Variants in METTL21C observed in about 807,000 individuals in gnomAD.
The protein encoded by METTL21C is methyltransferase 21C, AARS1 lysine, also known as protein-lysine methyltransferase METTL21C.
Under a neutral mutation model 25.9 loss-of-function variants are expected in METTL21C, and 21 were observed. The observed-to-expected ratio is 0.81, with a 90% CI of 0.58 to 1.17. METTL21C has a LOEUF of 1.17. METTL21C is among the 50% of genes most tolerant of loss of function. The pLI is 0.00. For synonymous variants in METTL21C, 125 were observed against 124.7 expected (o/e 1.00, Z -0.01); for missense variants, 312 against 315.1 (o/e 0.99, Z 0.07).
chr13:102,686,286 A>G lies in METTL21C; in HGVS notation c.540T>C (p.Phe180=), dbSNP rs771821471. Residue 180 remains phenylalanine, a synonymous_variant, in exon 4 of 4, where the codon TTT becomes TTC. Transcript: ENST00000267273. The part of the protein sequence containing the change: ...LVWGEDLDKN[F]PKSAFYYDYV... Reference sequence around the variant, plus strand: ...AATCATAGTAAAAAGCTGACTTGGGAAAGTTTTTGTCCAGGTCTTCCCCCC... The same window carrying G: ...AATCATAGTAAAAAGCTGACTTGGGGAAGTTTTTGTCCAGGTCTTCCCCCC... The G allele has an allele frequency of 6.8e-6, 11 of 1,614,050 alleles. No homozygotes were observed. Among genetic ancestry groups the G allele is most frequent in the Non-Finnish European group, 8.5e-6 (10 of 1,180,032 alleles).
chr13:102,692,199 A>G (rs1364713402), intron 1 of METTL21C, among the ~76,000 whole-genome samples: 2 of 152,188 alleles, frequency 1.3e-5, no homozygotes, highest in East Asian at 3.9e-4. Flanking sequence ...AATCTGAAAT[A>G]GCCTCTCAAG....
intron 2 of METTL21C, among the ~76,000 whole-genome samples, chr13:102,689,592 T>A (rs529745567): frequency 6.6e-6 from 1 of 152,300 alleles, no homozygotes; most frequent in African/African-American, 2.4e-5. Flanking sequence ...TGAATCAGAA[T>A]CCGCATTTTA....
chr13:102,690,147 G>A (rs202052313), intron 2 of METTL21C, among the ~76,000 whole-genome samples: 16 of 152,170 alleles, frequency 1.1e-4, no homozygotes, highest in African/African-American at 2.4e-4. Context: ...CCGGCCGGGC[G>A]TGGTGGTTCA....
At chr13:102,697,469 C>A (rs1483540287), upstream of METTL21C, among the ~76,000 whole-genome samples, 1 of 152,160 alleles carries the variant, frequency 6.6e-6, no homozygotes, top group Non-Finnish European at 1.5e-5. Flanking sequence ...GTGCAAAGGT[C>A]AAGCCACCCT....
rs778294553 is a variant in METTL21C, at chr13:102,686,010, G to A, written c.*21C>T. 5.8e-6 allele frequency: 9 copies of A among 1,545,030 alleles called. No individual in the cohort carries two copies. Among genetic ancestry groups the A allele is most frequent in the Non-Finnish European group, 7.9e-6 (9 of 1,144,604 alleles). On this transcript the variant is annotated 3_prime_UTR_variant, in exon 4 of 4. Coordinates refer to ENST00000267273, the MANE Select transcript of METTL21C (RefSeq NM_001010977.3). ...ATTGCTCAAAAGACACAGTAACGTTGTGAAAGGCATTTTGTTGGATTTAGT... is the reference window on the plus strand; with the variant it reads ...ATTGCTCAAAAGACACAGTAACGTTATGAAAGGCATTTTGTTGGATTTAGT...
At chr13:102,691,072 A>C in intron 1 of METTL21C, 108 bp from the exon 2 acceptor site, 1 of 1,237,366 alleles carries the variant, frequency 8.1e-7, no homozygotes, top group Admixed American at 2.1e-5. Context: ...CCTTTACATA[A>C]AGAGAAGGGA....
upstream of METTL21C, among the ~76,000 whole-genome samples, chr13:102,696,017 T>A (rs541572844): frequency 6.6e-6 from 1 of 152,292 alleles, no homozygotes; most frequent in East Asian, 1.9e-4. Flanking sequence ...GAAAAAATGT[T>A]GATCTCCTTT....
chr13:102,702,490 G>A, the METTL21C span, among the ~76,000 whole-genome samples: 1 of 152,082 alleles, frequency 6.6e-6, no homozygotes, highest in African/African-American at 2.4e-5. Flanking sequence ...TAGATGACAT[G>A]ATTTTCCATA....
chr13:102,697,285 A>AGTCCTCCCCTCTTGCCAAGGGGAC (rs1248443141), upstream of METTL21C, among the ~76,000 whole-genome samples: 2 of 151,748 alleles, frequency 1.3e-5, no homozygotes, highest in African/African-American at 4.8e-5. Context: ...CTCAAGGGGG[A>AGTCCTCCCCTCTTGCCAAGGGGAC]GTCCTCCCCT....
chr13:102,703,939 A>G, the METTL21C span, among the ~76,000 whole-genome samples: 1 of 152,204 alleles, frequency 6.6e-6, no homozygotes, highest in African/African-American at 2.4e-5. Flanking sequence ...TTATAGATTA[A>G]CTTTCTCCCT....
In METTL21C at chr13:102,686,393, C is replaced by A. The variant is rs367866682; in HGVS notation, c.433G>T (p.Val145Phe). 1 of 1,613,428 alleles carries A rather than the reference C, an allele frequency of 6.2e-7. No homozygotes were observed. The highest frequency in any genetic ancestry group is 1.1e-5 in the South Asian group (1 of 90,904). Reference protein sequence around the residue: ...AQVTATDLPDVLGNLQYNLLK... With the variant: ...AQVTATDLPDFLGNLQYNLLK... ...AGATTGTATTGAAGGTTTCCCAGGA[C>A]ATCAGGCAAATCTGTTGCTGTGACT... is the stretch of plus-strand genomic sequence containing the variant. The change falls in exon 4 of 4, where the codon GTC (valine) becomes TTC (phenylalanine). Residue 145 changes from valine to phenylalanine, a missense_variant. Physicochemically the swap from Val to Phe is conservative, Grantham distance 50 (BLOSUM62 -1). Transcript: ENST00000267273.
upstream of METTL21C, among the ~76,000 whole-genome samples, chr13:102,696,357 C>T (rs1161628556): frequency 2.0e-5 from 3 of 151,510 alleles, no homozygotes; most frequent in East Asian, 1.9e-4. Flanking sequence ...CACACCTGGG[C>T]CTGTCAGGGG....
At chr13:102,703,143 A>G in the METTL21C span, among the ~76,000 whole-genome samples, 1 of 152,212 alleles carries the variant, frequency 6.6e-6, no homozygotes, top group African/African-American at 2.4e-5. Context: ...GACATTTACC[A>G]ATGACACCTT....
At chr13:102,688,272 A>C (rs974222827) in intron 2 of METTL21C, among the ~76,000 whole-genome samples, 5 of 152,080 alleles carry the variant, frequency 3.3e-5, no homozygotes, top group Non-Finnish European at 7.3e-5. Context: ...CCTGTACGTC[A>C]CTCCATTTCA....
intron 1 of METTL21C, among the ~76,000 whole-genome samples, chr13:102,693,821 T>A (rs1228657954): frequency 1.3e-5 from 2 of 152,196 alleles, no homozygotes. Context: ...AACATTCTCA[T>A]TTATTGGAGT....
chr13:102,696,079 C>T (rs1284762563), upstream of METTL21C, among the ~76,000 whole-genome samples: 1 of 151,852 alleles, frequency 6.6e-6, no homozygotes, highest in Non-Finnish European at 1.5e-5. Context: ...TTTGTATCAA[C>T]TTCTAGGCTT....
At position 102,693,036 on chromosome 13, in the gene METTL21C, C is replaced by T. The variant is rs117561181; in HGVS notation, c.130+1333G>A. 7.2e-3 allele frequency among the ~76,000 whole-genome samples: 1,091 copies of T among 152,180 alleles called. 6 individuals are homozygous for T. Among genetic ancestry groups the T allele is most frequent in the Non-Finnish European group, 0.011 (746 of 68,018 alleles). The stretch of plus-strand genomic sequence containing the variant: ...GAGGGGAAGAAGCGGTGATTGACAG[C>T]GTTTGACGATTGCTCTGGAGTAAAT... On this transcript the variant is annotated intron_variant, in intron 1 of 3. Coordinates refer to ENST00000267273, the MANE Select transcript of METTL21C (RefSeq NM_001010977.3).
chr13:102,693,847 A>G (rs1219965934), intron 1 of METTL21C, among the ~76,000 whole-genome samples: 1 of 152,210 alleles, frequency 6.6e-6, no homozygotes, highest in Non-Finnish European at 1.5e-5. Flanking sequence ...TACATTTTTT[A>G]CCACCTTTAA....
chr13:102,689,703 T>C (rs896002), intron 2 of METTL21C, among the ~76,000 whole-genome samples: 105,634 of 152,194 alleles, frequency 0.69, 36,974 homozygotes, highest in Middle Eastern at 0.84. Flanking sequence ...GGCCACTGTC[T>C]ATCTTGGCTC....
Sources: gnomAD v4.1 joint callset for allele counts (sites outside exome capture counted in the v4.1 genomes callset) on GRCh38, gnomAD v4.1.1 for gene constraint, MANE v1.5 for transcripts, NCBI Gene and HGNC (gene_info 2026-07-23, HGNC 2026-07-21) for gene names.